Variants in FAT3 observed in about 807,000 individuals in gnomAD.
FAT3 encodes the protein FAT atypical cadherin 3.
A neutral mutation model predicts 310.2 loss-of-function variants in FAT3; 95 were observed. That is an observed-to-expected ratio of 0.31 (90% CI 0.26 to 0.36). The LOEUF (loss-of-function observed/expected upper bound fraction) is 0.36, where lower values mean the gene tolerates loss of function less well. FAT3 is among the 10% of genes least tolerant of loss of function. The probability of loss-of-function intolerance (pLI) is 1.00; values close to 1 mark genes in which losing one functional copy is unlikely to be tolerated. For missense variants in FAT3, 5,408 were observed against 5,715.6 expected (o/e 0.95, Z 1.74); for synonymous variants, 2,314 against 2,192.9 (o/e 1.06, Z -1.54).
chr11:92,396,860 C>CCACACCCA (rs1214951315), intron 2 of FAT3, among the ~76,000 whole-genome samples: 1 of 152,132 alleles, frequency 6.6e-6, no homozygotes, highest in Non-Finnish European at 1.5e-5. Context: ...GCACCCACCA[C>CCACACCCA]CACACCCAGC....
chr11:92,289,500 TACACACACACACACACACAC>T lies in FAT3; in HGVS notation c.-17-62578_-17-62559del, dbSNP rs10562084. On this transcript the variant is annotated intron_variant, in intron 1 of 27. Transcript: ENST00000525166. ...CCCAGCTTGGAGTCTCCATGATAGA[TACACACACACACACACACAC>T]ACACACACACACACACATATATATG... Among the ~76,000 whole-genome samples the T allele has an allele frequency of 4.2e-5, 6 of 144,338 alleles. No individual in the cohort carries two copies. The South Asian group carries it at 1.4e-3, about 33-fold the overall frequency. The allele number at this position is 144,338 out of a possible 152,430, so 94.7% of individuals were successfully genotyped here.
intron 2 of FAT3, among the ~76,000 whole-genome samples, chr11:92,502,930 T>C (rs1952986665): frequency 6.6e-6 from 1 of 152,132 alleles, no homozygotes; most frequent in African/African-American, 2.4e-5. Context: ...ATCTGTTTCC[T>C]CATTTCTAAA....
intron 3 of FAT3, among the ~76,000 whole-genome samples, chr11:92,594,841 C>T (rs750203691): frequency 6.6e-6 from 1 of 152,030 alleles, no homozygotes; most frequent in Non-Finnish European, 1.5e-5. Flanking sequence ...TTTCAGAATG[C>T]TTTCTATTTT....
At chr11:92,606,170 T>A (rs1261689071) in intron 3 of FAT3, among the ~76,000 whole-genome samples, 3 of 152,238 alleles carry the variant, frequency 2.0e-5, no homozygotes, top group African/African-American at 7.2e-5. Flanking sequence ...GCCAGTGTTT[T>A]CTCCATCAAA....
chr11:92,559,720 G>A (rs111304835), intron 3 of FAT3, among the ~76,000 whole-genome samples: 36 of 152,070 alleles, frequency 2.4e-4, no homozygotes, highest in African/African-American at 7.7e-4. Flanking sequence ...GTGGAATCAC[G>A]TAACATATAG....
At chr11:92,689,274 G>A (rs777403410) in intron 3 of FAT3, among the ~76,000 whole-genome samples, 5 of 152,052 alleles carry the variant, frequency 3.3e-5, no homozygotes, top group Non-Finnish European at 7.4e-5. Context: ...CTATATAGTG[G>A]AATTTAGATT....
At chr11:92,846,557 A>T (rs1948688957) in intron 19 of FAT3, among the ~76,000 whole-genome samples, 1 of 152,190 alleles carries the variant, frequency 6.6e-6, no homozygotes, top group Non-Finnish European at 1.5e-5. Flanking sequence ...CAGACTGAAT[A>T]ATTCTTTAAA....
At chr11:92,815,580 A>T (rs543923672) in intron 13 of FAT3, among the ~76,000 whole-genome samples, 1 of 152,080 alleles carries the variant, frequency 6.6e-6, no homozygotes, top group Non-Finnish European at 1.5e-5. Flanking sequence ...CTCAAAAAAA[A>T]ACCAAGTAAA....
intron 3 of FAT3, among the ~76,000 whole-genome samples, chr11:92,654,032 T>C (rs139674950): frequency 6.6e-6 from 1 of 152,336 alleles, no homozygotes; most frequent in African/African-American, 2.4e-5. Context: ...TGTTTATTTC[T>C]TTTTCTGTAG....
chr11:92,799,865 C>G lies in FAT3; in HGVS notation c.6852C>G (p.Pro2284=). 2.5e-6 allele frequency: 4 copies of G among 1,613,314 alleles called. No homozygotes were observed. The highest frequency in any genetic ancestry group is 1.6e-4 in the Middle Eastern group (1 of 6,062). ...TAGTTAATGATGTAAATGACAACCC[C>G]CCTATTTTCGATCAGCCTACATACA... ...DLLVNDVNDN[P]PIFDQPTYNT... is the part of the protein sequence containing the mutation. Residue 2284 remains proline (P), a synonymous_variant, in exon 10 of 28, where the codon CCC becomes CCG. Coordinates refer to ENST00000525166, the MANE Select transcript of FAT3 (RefSeq NM_001367949.2).
At chr11:92,745,610 A>T (rs1028117010) in intron 4 of FAT3, among the ~76,000 whole-genome samples, 3 of 150,696 alleles carry the variant, frequency 2.0e-5, no homozygotes, top group Non-Finnish European at 4.4e-5. Context: ...GCTTTAAGAG[A>T]TGTCAGGATG....
At position 92,336,368 on chromosome 11, in the gene FAT3, C is replaced by T. The variant is rs1241413593; in HGVS notation, c.-17-15728C>T. On this transcript the variant is annotated intron_variant, in intron 1 of 27. Transcript: ENST00000525166. ...TCAGTTCCGGGGGCTGTTTTCCCAC[C>T]ACAGCAGACAGGGCGACCACAGTCC... 2.1e-5 allele frequency: 8 copies of T among 372,560 alleles called. No individual in the cohort carries two copies. The Admixed American group carries it at 2.2e-4, about 10-fold the overall frequency. 23.1% of individuals were successfully genotyped at this position (372,560 alleles called of 1,614,324 possible).
intron 1 of FAT3, among the ~76,000 whole-genome samples, chr11:92,229,487 T>G (rs1008074595): frequency 7.3e-6 from 1 of 137,604 alleles, no homozygotes; most frequent in Non-Finnish European, 1.5e-5. Flanking sequence ...TTTTTGTTTT[T>G]TCGTGTTTTT....
At chr11:92,236,660 G>A (rs2134241638) in intron 1 of FAT3, among the ~76,000 whole-genome samples, 1 of 152,262 alleles carries the variant, frequency 6.6e-6, no homozygotes, top group East Asian at 1.9e-4. Flanking sequence ...AGTGATCTGT[G>A]TTTATTAAAA....
At chr11:92,683,936 A>T (rs2135866163) in intron 3 of FAT3, among the ~76,000 whole-genome samples, 1 of 152,332 alleles carries the variant, frequency 6.6e-6, no homozygotes, top group South Asian at 2.1e-4. Flanking sequence ...TGTTGAGTGG[A>T]TGCTAAACCC....
chr11:92,414,803 G>A (rs1212754830), intron 2 of FAT3, among the ~76,000 whole-genome samples: 1 of 152,130 alleles, frequency 6.6e-6, no homozygotes, highest in Non-Finnish European at 1.5e-5. Context: ...GAGGTCGGGA[G>A]ATCGGGATCA....
At chr11:92,274,748 T>A (rs186090766) in intron 1 of FAT3, among the ~76,000 whole-genome samples, 13 of 152,242 alleles carry the variant, frequency 8.5e-5, no homozygotes, top group African/African-American at 1.9e-4. Context: ...ATCTTAATAG[T>A]CTCATTTTAC....
chr11:92,450,185 C>G (rs906836911), intron 2 of FAT3, among the ~76,000 whole-genome samples: 20 of 152,336 alleles, frequency 1.3e-4, no homozygotes, highest in African/African-American at 4.8e-4. Flanking sequence ...CATTCATTGC[C>G]TTCAGGCCCT....
At chr11:92,783,256 G>A (rs1946799707) in intron 7 of FAT3, among the ~76,000 whole-genome samples, 3 of 150,618 alleles carry the variant, frequency 2.0e-5, no homozygotes, top group Admixed American at 1.3e-4. Flanking sequence ...TACTTGGGAG[G>A]CTGAGGTGAG....
Sources: gnomAD v4.1 joint callset for allele counts (sites outside exome capture counted in the v4.1 genomes callset) on GRCh38, gnomAD v4.1.1 for gene constraint, MANE v1.5 for transcripts, NCBI Gene and HGNC (gene_info 2026-07-23, HGNC 2026-07-21) for gene names.